The following PRMT1 variants were observed in gnomAD, a reference collection of about 807,000 sequenced individuals.
PRMT1 encodes the protein protein arginine N-methyltransferase 1.
PRMT1 carries 5 observed loss-of-function variants against 47.4 expected under a neutral mutation model. The observed-to-expected ratio is 0.11, with a 90% confidence interval of 0.06 to 0.22. The LOEUF (loss-of-function observed/expected upper bound fraction) is 0.22, where lower values mean the gene tolerates loss of function less well. Ranked by LOEUF, PRMT1 falls within the 10% of genes least tolerant of loss-of-function variation. The probability of loss-of-function intolerance (pLI) is 1.00; values close to 1 mark genes in which losing one functional copy is unlikely to be tolerated. For missense variants in PRMT1, 249 were observed against 518.4 expected, an observed-to-expected ratio of 0.48 and a Z score of 5.05; for synonymous variants, 227 against 204.6, an observed-to-expected ratio of 1.11 and a Z score of -0.94.
chr19:49,683,317 G>T (rs2082148941), intron 5 of PRMT1, among the ~76,000 whole-genome samples: 1 of 152,032 alleles, frequency 6.6e-6, no homozygotes, highest in African/African-American at 2.4e-5. Flanking sequence ...GCGTCTGCTT[G>T]TGTCTTATCT....
Position 49,688,426 on chromosome 19 carries a change from C to T in PRMT1, c.*181C>T, listed in dbSNP as rs374242202. ...TTATGTTTTTATATGGTTGCATTTA[C>T]GCCAATAAATCCTCAGCTGGGGTCT... On this transcript the variant is annotated 3_prime_UTR_variant, in exon 11 of 11. Coordinates refer to ENST00000454376, the MANE Select transcript of PRMT1 (RefSeq NM_001536.6). This position sits in a 1 kb window ranked among gnomAD's most constrained non-coding sequence, Gnocchi z 5.3. The T allele has an allele frequency of 1.4e-4, 90 of 628,984 alleles. No individual in the cohort carries two copies. The highest frequency in any genetic ancestry group is 5.1e-4 in the African/African-American group (28 of 54,650). The allele number at this position is 628,984 out of a possible 1,614,324, so 39.0% of individuals were successfully genotyped here. A position where few individuals can be genotyped will look rare whatever the true frequency, so the allele number is the denominator to read the frequency against.
rs2082210535 is a variant in PRMT1, at chr19:49,686,684, G to T, written c.990G>T (p.Glu330Asp). The T allele has an allele frequency of 6.2e-7, 1 of 1,611,100 alleles. No homozygotes were observed. The highest frequency in any genetic ancestry group is 1.1e-5 in the South Asian group (1 of 91,002). The change falls in exon 10 of 11, where the codon GAG becomes GAT. Residue 330 changes from glutamate to aspartate, a missense_variant. Glu to Asp is a conservative substitution (Grantham distance 45). Transcript: ENST00000454376. ...EDYLTVKTGE[E>D]IFGTIGMRPN... ...ACCTGACCGTGAAGACGGGCGAGGAGATCTTCGGCACCATCGGCATGCGGC... is the reference window on the plus strand; with the variant it reads ...ACCTGACCGTGAAGACGGGCGAGGATATCTTCGGCACCATCGGCATGCGGC...
chr19:49,677,538 C>G lies in PRMT1; in HGVS notation c.36+222C>G. 4 of 403,234 alleles carry G rather than the reference C, an allele frequency of 9.9e-6. No individual in the cohort carries two copies. In the East Asian group the frequency reaches 1.4e-4, roughly 15 times the overall value. The allele number at this position is 403,234 out of a possible 1,614,324, so 25.0% of individuals were successfully genotyped here. ...GGCCTAGCGGAGGGTCTTATCCCCC[C>G]TCCCACGTGGAGGAGGGCTGGGGGC... On this transcript the variant is annotated intron_variant, in intron 1 of 10. Coordinates refer to ENST00000454376, the MANE Select transcript of PRMT1 (RefSeq NM_001536.6).
In PRMT1 at chr19:49,685,545, TAAA is replaced by T; in HGVS notation, c.759+518_759+520del. 3.8e-6 allele frequency: 3 copies of T among 797,580 alleles called. No homozygotes were observed. The highest frequency in any genetic ancestry group is 4.6e-6 in the Non-Finnish European group (3 of 655,480). The allele number at this position is 797,580 out of a possible 1,614,324, so 49.4% of individuals were successfully genotyped here. On this transcript the variant is annotated intron_variant, in intron 8 of 10. Transcript: ENST00000454376. The surrounding 1 kb of genome is among the most constrained non-coding windows in gnomAD (Gnocchi z 4.7). ...TTTTTTTTACTTCTGAGACCCTGTT[TAAA>T]AAAAAAAAATACGGCGATGAGTATT...
intron 1 of PRMT1, chr19:49,679,590 G>A: frequency 1.5e-6 from 1 of 689,116 alleles, no homozygotes; most frequent in East Asian, 2.8e-5. Flanking sequence ...CCTGGATGGG[G>A]GAGGTGTGTG....
At position 49,685,759 on chromosome 19, in the gene PRMT1, A is replaced by T. The variant is rs1303184398; in HGVS notation, c.760-334A>T. The T allele has an allele frequency of 9.0e-7, 1 of 1,112,774 alleles. No individual in the cohort carries two copies. The highest frequency in any genetic ancestry group is 1.6e-5 in the African/African-American group (1 of 61,174). The allele number at this position is 1,112,774 out of a possible 1,614,324, so 68.9% of individuals were successfully genotyped here. A position where few individuals can be genotyped will look rare whatever the true frequency, so the allele number is the denominator to read the frequency against. ...AGGTTGGCATTTGTGTTGCCGTTTG[A>T]AGCCATCATGTTGTTGGACTTGTCA... is the stretch of plus-strand genomic sequence containing the variant. On this transcript the variant is annotated intron_variant, in intron 8 of 10. Transcript: ENST00000454376. This position sits in a 1 kb window ranked among gnomAD's most constrained non-coding sequence, Gnocchi z 4.7.
rs768295732 is a variant in PRMT1, at chr19:49,686,666, C to T, written c.972C>T (p.Thr324=). Residue 324 remains threonine, a synonymous_variant, in exon 10 of 11, where the codon ACC becomes ACT. Coordinates refer to ENST00000454376, the MANE Select transcript of PRMT1 (RefSeq NM_001536.6). The stretch of plus-strand genomic sequence containing the variant: ...TGTTCTACATGGAGGACTACCTGAC[C>T]GTGAAGACGGGCGAGGAGATCTTCG... The part of the protein sequence containing the change: ...QTVFYMEDYL[T]VKTGEEIFGT... 12 of 1,612,126 alleles carry T rather than the reference C, an allele frequency of 7.4e-6. No homozygotes were observed. The highest frequency in any genetic ancestry group is 1.7e-5 in the Admixed American group (1 of 59,874).
Position 49,685,439 on chromosome 19 carries a change from G to C in PRMT1, c.759+402G>C. The C allele has an allele frequency of 8.5e-7, 1 of 1,177,354 alleles. No individual in the cohort carries two copies. Among genetic ancestry groups the C allele is most frequent in the Non-Finnish European group, 1.1e-6 (1 of 940,468 alleles). The allele number at this position is 1,177,354 out of a possible 1,614,324, so 72.9% of individuals were successfully genotyped here. ...TCGGGAGGATCACTTGGGCCTGGGAGTTCAAGGCTGCAGTGAGCTGTGATC... is the reference window on the plus strand; with the variant it reads ...TCGGGAGGATCACTTGGGCCTGGGACTTCAAGGCTGCAGTGAGCTGTGATC... On this transcript the variant is annotated intron_variant, in intron 8 of 10. Transcript: ENST00000454376. This position sits in a 1 kb window ranked among gnomAD's most constrained non-coding sequence, Gnocchi z 4.7.
upstream of PRMT1, chr19:49,677,108 T>C (rs945165751): frequency 1.3e-4 from 64 of 507,764 alleles, no homozygotes; most frequent in Non-Finnish European, 2.0e-4. Context: ...ATGGACGTAT[T>C]CTCTAGCCAA....
chr19:49,686,474 T>C, intron 9 of PRMT1, 131 bp from the exon 10 acceptor site: 1 of 1,202,104 alleles, frequency 8.3e-7, no homozygotes, highest in Non-Finnish European at 1.1e-6. Flanking sequence ...CAAAGCTCAA[T>C]GACAGGGAGG....
At chr19:49,677,262 G>A, upstream of PRMT1, 2 of 1,422,418 alleles carry the variant, frequency 1.4e-6, no homozygotes, top group East Asian at 2.7e-5. Context: ...GGCCGGAGGA[G>A]GAGTAGGTGC....
At chr19:49,676,858 T>A (rs775245153), upstream of PRMT1, among the ~76,000 whole-genome samples, 2 of 152,172 alleles carry the variant, frequency 1.3e-5, no homozygotes, top group Non-Finnish European at 2.9e-5. Flanking sequence ...GATAAACCAA[T>A]GGCAGCGATT....
chr19:49,677,555 G>C (rs1051430069), intron 1 of PRMT1: 3 of 390,272 alleles, frequency 7.7e-6, no homozygotes, highest in Non-Finnish European at 9.1e-6. Flanking sequence ...GTGGAGGAGG[G>C]CTGGGGGCGC....
upstream of PRMT1, chr19:49,677,204 T>A: frequency 7.6e-7 from 1 of 1,324,478 alleles, no homozygotes. Flanking sequence ...GTGGACCCTC[T>A]GGTATAAGGC....
rs1357713187 is a variant in PRMT1, at chr19:49,685,167, G to A, written c.759+130G>A. On this transcript the variant is annotated intron_variant, in intron 8 of 10. Coordinates refer to ENST00000454376, the MANE Select transcript of PRMT1 (RefSeq NM_001536.6). This position sits in a 1 kb window ranked among gnomAD's most constrained non-coding sequence, Gnocchi z 4.7. The stretch of plus-strand genomic sequence containing the variant: ...CTCAGAGCCTGATCTGCCAGCCAGA[G>A]GTGGTGCTAGAGGCCCAGGAAAGAC... 1.3e-6 allele frequency: 2 copies of A among 1,552,908 alleles called. No individual in the cohort carries two copies. Among genetic ancestry groups the A allele is most frequent in the Admixed American group, 2.0e-5 (1 of 51,280 alleles).
In PRMT1 at chr19:49,684,720, C is replaced by T. The variant is rs1391239003; in HGVS notation, c.556-34C>T. The T allele has an allele frequency of 3.2e-6, 5 of 1,543,778 alleles. No homozygotes were observed. The highest frequency in any genetic ancestry group is 4.4e-6 in the Non-Finnish European group (5 of 1,142,166). The stretch of plus-strand genomic sequence containing the variant: ...AAGACTCAGGGTAGTGTTGCCAGGC[C>T]CCACCCTTCATGCCTCGCCCTGCCC... On this transcript the variant is annotated intron_variant, in intron 6 of 10. Transcript: ENST00000454376. This position sits in a 1 kb window ranked among gnomAD's most constrained non-coding sequence, Gnocchi z 6.2.
upstream of PRMT1, among the ~76,000 whole-genome samples, chr19:49,676,637 C>T (rs2082041554): frequency 6.6e-6 from 1 of 152,204 alleles, no homozygotes; most frequent in African/African-American, 2.4e-5. Flanking sequence ...TCCGTTTTTC[C>T]CCCAGGTAAT....
Position 49,688,047 on chromosome 19 carries a change from CGT to C in PRMT1, c.1033-113_1033-112del. On this transcript the variant is annotated intron_variant, in intron 10 of 10. Coordinates refer to ENST00000454376, the MANE Select transcript of PRMT1 (RefSeq NM_001536.6). The surrounding 1 kb of genome is among the most constrained non-coding windows in gnomAD (Gnocchi z 5.3). ...TGGGACCAGCAGTTGGGGTCTGCAGCGTGGAGATGGGCAGGAAGCTGGAGCCC... is the reference window on the plus strand; with the variant it reads ...TGGGACCAGCAGTTGGGGTCTGCAGCGGAGATGGGCAGGAAGCTGGAGCCC... 1 of 938,638 alleles carries C rather than the reference CGT, an allele frequency of 1.1e-6. No homozygotes were observed. The highest frequency in any genetic ancestry group is 1.3e-5 in the South Asian group (1 of 76,096). The allele number at this position is 938,638 out of a possible 1,614,324, so 58.1% of individuals were successfully genotyped here. A position where few individuals can be genotyped will look rare whatever the true frequency, so the allele number is the denominator to read the frequency against.
chr19:49,679,431 G>C (rs1568484858), intron 1 of PRMT1, among the ~76,000 whole-genome samples: 1 of 152,164 alleles, frequency 6.6e-6, no homozygotes, highest in Non-Finnish European at 1.5e-5. Flanking sequence ...CAGATGCCCT[G>C]TGGGCATATC....
Sources: allele counts gnomAD v4.1 joint callset (sites outside exome capture counted in the v4.1 genomes callset), GRCh38; gene constraint gnomAD v4.1.1; non-coding constraint Gnocchi (gnomAD v3.1); transcripts MANE v1.5; gene names NCBI Gene and HGNC (gene_info 2026-07-23, HGNC 2026-07-21).